PDE11A: variants seen among roughly 807,000 people sequenced by gnomAD.
PDE11A encodes the protein dual 3',5'-cyclic-AMP and -GMP phosphodiesterase 11A.
Under a neutral mutation model 100.5 loss-of-function variants are expected in PDE11A, and 100 were observed. The observed-to-expected ratio is 1.00, with a 90% confidence interval of 0.85 to 1.18. The LOEUF (loss-of-function observed/expected upper bound fraction) is 1.18, where lower values mean the gene tolerates loss of function less well. PDE11A is among the 50% of genes most tolerant of loss of function. The pLI is 0.00. For missense variants in PDE11A, 1,141 were observed against 1,152.6 expected (o/e 0.99, Z 0.15); for synonymous variants, 381 against 420.8 (o/e 0.91, Z 1.16).
At chr2:177,821,675 T>C (rs1448312201) in intron 6 of PDE11A, among the ~76,000 whole-genome samples, 2 of 152,060 alleles carry the variant, frequency 1.3e-5, no homozygotes, top group East Asian at 1.9e-4. Context: ...CTGATAGATA[T>C]GTGGTTATAT....
At position 177,748,459 on chromosome 2, in the gene PDE11A, T is replaced by A. The variant is rs3770041; in HGVS notation, c.1789-20287A>T. ...GACACAGCAGGTGAATAAAGCCCTT[T>A]TTCTATCTTATCTATTTGCGTATTA... On this transcript the variant is annotated intron_variant, in intron 10 of 19. Transcript: ENST00000286063. 2.0e-4 allele frequency among the ~76,000 whole-genome samples: 31 copies of A among 152,346 alleles called. 1 individual carries two copies. The East Asian group carries it at 6.0e-3, about 29-fold the overall frequency.
intron 13 of PDE11A, 145 bp from the exon 14 acceptor site, chr2:177,701,356 T>C: frequency 1.5e-6 from 1 of 676,668 alleles, no homozygotes; most frequent in Non-Finnish European, 2.7e-6. Context: ...TCCATTCATC[T>C]ATGAAATAAA....
intron 9 of PDE11A, among the ~76,000 whole-genome samples, chr2:177,770,084 T>C (rs2082292057): frequency 6.6e-6 from 1 of 152,138 alleles, no homozygotes; most frequent in South Asian, 2.1e-4. Context: ...TTTATTATAT[T>C]AGGAAAGATT....
At position 177,759,859 on chromosome 2, in the gene PDE11A, C is replaced by T. The variant is rs983515578; in HGVS notation, c.1788+9464G>A. Among the ~76,000 whole-genome samples, 11 of 152,262 alleles carry T rather than the reference C, an allele frequency of 7.2e-5. No homozygotes were observed. In the East Asian group the frequency reaches 2.1e-3, roughly 29 times the overall value. Reference sequence around the variant, plus strand: ...TTAATTGCCCAAAGAGTACCATAAACAGTCTTACTAAAAGTCAATATGTTG... The same window carrying T: ...TTAATTGCCCAAAGAGTACCATAAATAGTCTTACTAAAAGTCAATATGTTG... On this transcript the variant is annotated intron_variant, in intron 10 of 19. Transcript: ENST00000286063.
At chr2:178,105,615 C>G in intron 1 of PDE11A, 1 of 431,818 alleles carries the variant, frequency 2.3e-6, no homozygotes, top group Non-Finnish European at 4.0e-6. Flanking sequence ...TAAGTTCAAA[C>G]TATCAAAAAA....
Position 177,984,100 on chromosome 2 carries a change from T to C in PDE11A, c.1071+30202A>G, listed in dbSNP as rs983781648. Among the ~76,000 whole-genome samples the C allele has an allele frequency of 2.6e-5, 4 of 152,196 alleles. No individual in the cohort carries two copies. In the East Asian group the frequency reaches 7.7e-4, roughly 29 times the overall value. Reference sequence around the variant, plus strand: ...AAAACGATTATCTCTTGCTGTGCAATTGTTGGACAGCTTGGGAAGCGAAGT... The same window carrying C: ...AAAACGATTATCTCTTGCTGTGCAACTGTTGGACAGCTTGGGAAGCGAAGT... On this transcript the variant is annotated intron_variant, in intron 2 of 19. Coordinates refer to ENST00000286063, the MANE Select transcript of PDE11A (RefSeq NM_016953.4).
intron 2 of PDE11A, among the ~76,000 whole-genome samples, chr2:177,926,491 A>C (rs1176612271): frequency 6.6e-6 from 1 of 152,178 alleles, no homozygotes; most frequent in East Asian, 1.9e-4. Flanking sequence ...AATTCAGTAG[A>C]TAGAACTCAA....
intron 12 of PDE11A, among the ~76,000 whole-genome samples, chr2:177,726,108 G>T (rs564330639): frequency 2.6e-5 from 4 of 151,908 alleles, no homozygotes; most frequent in Non-Finnish European, 4.4e-5. Context: ...AGCAATGGTT[G>T]TTACTTGAGC....
At chr2:177,786,061 T>C (rs1006487777) in intron 9 of PDE11A, among the ~76,000 whole-genome samples, 45 of 152,280 alleles carry the variant, frequency 3.0e-4, no homozygotes, top group East Asian at 1.7e-3. Flanking sequence ...CAGCTGGAGA[T>C]CTGAGAACGG....
In PDE11A at chr2:177,833,738, C is replaced by A. The variant is rs182635234; in HGVS notation, c.1500+6513G>T. 1.4e-4 allele frequency among the ~76,000 whole-genome samples: 22 copies of A among 152,324 alleles called. 1 individual carries two copies. Among genetic ancestry groups the A allele is most frequent in the Admixed American group, 1.4e-3 (22 of 15,304 alleles). On this transcript the variant is annotated intron_variant, in intron 6 of 19. Transcript: ENST00000286063. ...TGAATTGGGGTCAGTAAAAAGAATTCATTGCCAGAATTAGCCACTGAGCTA... is the reference window on the plus strand; with the variant it reads ...TGAATTGGGGTCAGTAAAAAGAATTAATTGCCAGAATTAGCCACTGAGCTA...
At chr2:177,697,276 G>T (rs940185684) in intron 15 of PDE11A, 56 bp downstream of exon 15, 1 of 856,316 alleles carries the variant, frequency 1.2e-6, no homozygotes, top group South Asian at 1.3e-5. Flanking sequence ...TAGACCTGGA[G>T]ATTAGTTACA....
chr2:177,864,861 A>G (rs2084001465), intron 5 of PDE11A, among the ~76,000 whole-genome samples: 1 of 152,220 alleles, frequency 6.6e-6, no homozygotes, highest in Non-Finnish European at 1.5e-5. Context: ...CTTTTGCATT[A>G]CTACTTAAAA....
chr2:178,014,337 G>A lies in PDE11A; in HGVS notation c.1036C>T (p.Pro346Ser). The change falls in exon 2 of 20, where the codon CCT (proline) becomes TCT (serine). Residue 346 changes from proline to serine, a missense_variant. By Grantham distance (74) the Pro-to-Ser change is moderately conservative. Coordinates refer to ENST00000286063, the MANE Select transcript of PDE11A (RefSeq NM_016953.4). ...TCTTCAGTAAATGGAGCTCCTTCAG[G>A]AATCTTATTTATCGCTTGGGCCACA... Reference protein sequence around the residue: ...IGVAQAINKIPEGAPFTEDDE... With the variant: ...IGVAQAINKISEGAPFTEDDE... The A allele has an allele frequency of 6.2e-7, 1 of 1,613,050 alleles. No homozygotes were observed. The highest frequency in any genetic ancestry group is 8.5e-7 in the Non-Finnish European group (1 of 1,179,132).
chr2:177,643,020 C>G (rs2080166834), intron 19 of PDE11A, among the ~76,000 whole-genome samples: 1 of 152,212 alleles, frequency 6.6e-6, no homozygotes, highest in Non-Finnish European at 1.5e-5. Context: ...TGAGGCCTCC[C>G]CAGCCGCATG....
intron 2 of PDE11A, among the ~76,000 whole-genome samples, chr2:177,932,023 T>C (rs917563787): frequency 4.6e-5 from 7 of 151,518 alleles, no homozygotes; most frequent in African/African-American, 7.3e-5. Context: ...TCCTCAGAGA[T>C]GATTACGACA....
Position 177,629,073 on chromosome 2 carries a change from A to AG in PDE11A, c.*333dup. Reference sequence around the variant, plus strand: ...AGCGCTAATGACGCTTTTACTGTTCAGTGTTCCCTCAGCTCAGAGTAAGTA... The same window carrying AG: ...AGCGCTAATGACGCTTTTACTGTTCAGGTGTTCCCTCAGCTCAGAGTAAGTA... On this transcript the variant is annotated 3_prime_UTR_variant, in exon 20 of 20. Coordinates refer to ENST00000286063, the MANE Select transcript of PDE11A (RefSeq NM_016953.4). 1 of 380,052 alleles carries AG rather than the reference A, an allele frequency of 2.6e-6. No homozygotes were observed. The highest frequency in any genetic ancestry group is 5.0e-6 in the Non-Finnish European group (1 of 200,832). The allele number at this position is 380,052 out of a possible 1,614,324, so 23.5% of individuals were successfully genotyped here. A position where few individuals can be genotyped will look rare whatever the true frequency, so the allele number is the denominator to read the frequency against.
At chr2:178,098,426 T>C (rs1405234700) in intron 2 of PDE11A, among the ~76,000 whole-genome samples, 1 of 152,200 alleles carries the variant, frequency 6.6e-6, no homozygotes, top group Non-Finnish European at 1.5e-5. Flanking sequence ...GTAAATGATA[T>C]ATGGCATCTC....
chr2:177,826,059 T>C (rs934803), intron 6 of PDE11A, among the ~76,000 whole-genome samples: 124,569 of 152,198 alleles, frequency 0.82, 51,252 homozygotes, highest in East Asian at 0.98. Context: ...GTTTAACATT[T>C]ACACCATTAG....
intron 9 of PDE11A, among the ~76,000 whole-genome samples, chr2:177,812,435 G>T (rs2082963006): frequency 2.0e-5 from 3 of 152,092 alleles, no homozygotes; most frequent in African/African-American, 7.2e-5. Flanking sequence ...CACAAAGCAA[G>T]ATCTGCATTA....
Sources: allele counts gnomAD v4.1 joint callset (sites outside exome capture counted in the v4.1 genomes callset), GRCh38; gene constraint gnomAD v4.1.1; transcripts MANE v1.5; gene names NCBI Gene and HGNC (gene_info 2026-07-23, HGNC 2026-07-21).